HERC5: variants seen among roughly 807,000 people sequenced by gnomAD.
The protein encoded by HERC5 is E3 ISG15--protein ligase HERC5.
A neutral mutation model predicts 119.6 loss-of-function variants in HERC5; 99 were observed. The observed-to-expected ratio is 0.83, with a 90% CI of 0.70 to 0.98. The LOEUF (loss-of-function observed/expected upper bound fraction) is 0.98, where lower values mean the gene tolerates loss of function less well. HERC5 is among the 50% of genes least tolerant of loss of function. HERC5 has a pLI of 0.00. For missense variants in HERC5, 1,267 were observed against 1,241.3 expected (o/e 1.02, Z -0.31); for synonymous variants, 478 against 445.9 (o/e 1.07, Z -0.91).
rs542811611 is a variant in HERC5, at chr4:88,463,733, CCTT to C, written c.780+113_780+115del. Reference sequence around the variant, plus strand: ...CATCACTTCCTGTATGTAGGACTGTCCTTCTGATATTTAGGAGCTTTACTTTGA... The same window carrying C: ...CATCACTTCCTGTATGTAGGACTGTCCTGATATTTAGGAGCTTTACTTTGA... On this transcript the variant is annotated intron_variant, in intron 5 of 22. Transcript: ENST00000264350. The C allele has an allele frequency of 3.1e-4, 430 of 1,373,116 alleles. No homozygotes were observed. The African/African-American group carries it at 5.1e-3, about 16-fold the overall frequency. The allele number at this position is 1,373,116 out of a possible 1,614,324, so 85.1% of individuals were successfully genotyped here.
chr4:88,462,103 A>AATAAAACAGC, intron 3 of HERC5, 32 bp from the exon 4 acceptor site: 1 of 1,575,804 alleles, frequency 6.3e-7, no homozygotes, highest in Non-Finnish European at 8.7e-7. Flanking sequence ...TTTTAAATGG[A>AATAAAACAGC]ATAAAACAGC....
rs1362088397 is a variant in HERC5 at position 88,493,051 on chromosome 4, G to A, written c.2173G>A (p.Val725Ile). The A allele has an allele frequency of 2.5e-6, 4 of 1,613,856 alleles. No individual in the cohort carries two copies. In the African/African-American group the frequency reaches 4.0e-5, roughly 16 times the overall value. ...AGAAATTGGGTATGACCTCGGAGGA[G>A]TCAAGAAAGAGTTCTTCTACTGTCT... is the stretch of plus-strand genomic sequence containing the variant. ...SGEIGYDLGG[V>I]KKEFFYCLFA... is the part of the protein sequence containing the mutation. Residue 725 changes from valine to isoleucine, a missense_variant, in exon 17 of 23, where the codon GTC becomes ATC. Coordinates refer to ENST00000264350, the MANE Select transcript of HERC5 (RefSeq NM_016323.4).
chr4:88,475,849 C>A lies in HERC5; in HGVS notation c.1401C>A (p.Thr467=). The A allele has an allele frequency of 6.2e-7, 1 of 1,613,874 alleles. No homozygotes were observed. The highest frequency in any genetic ancestry group is 1.1e-5 in the South Asian group (1 of 91,018). The stretch of plus-strand genomic sequence containing the variant: ...TTCCTTTCTGACCACAGATAACCAC[C>A]TGCCTCAAAGATAATCTGCTCAAAA... ...QKDWITNMIT[T]CLKDNLLKRL... The change falls in exon 12 of 23, where the codon ACC becomes ACA. Residue 467 remains threonine (T), a synonymous_variant. Transcript: ENST00000264350.
chr4:88,499,099 A>G (rs1303024652), intron 18 of HERC5, among the ~76,000 whole-genome samples: 2 of 152,164 alleles, frequency 1.3e-5, no homozygotes, highest in Non-Finnish European at 2.9e-5. Flanking sequence ...AGAAAAATTT[A>G]ACTGTGCTCT....
At chr4:88,467,236 A>C (rs1249467758) in intron 7 of HERC5, 32 bp downstream of exon 7, 1 of 1,594,982 alleles carries the variant, frequency 6.3e-7, no homozygotes, top group Admixed American at 1.7e-5. Context: ...GGTTTGGCAT[A>C]GTATCTTTTT....
intron 6 of HERC5, among the ~76,000 whole-genome samples, chr4:88,464,999 T>G (rs1252183891): frequency 6.6e-6 from 1 of 152,154 alleles, no homozygotes; most frequent in Non-Finnish European, 1.5e-5. Flanking sequence ...CTCGATGTCC[T>G]GACCTTGTGA....
chr4:88,458,427 C>T lies in HERC5; in HGVS notation c.265+893C>T, dbSNP rs188618128. On this transcript the variant is annotated intron_variant, in intron 1 of 22. Transcript: ENST00000264350. ...TTTTTTTAAGTTAAAATTTTTCGTA[C>T]GCTTGGAATTTTCAGTACTGAGGTA... is the stretch of plus-strand genomic sequence containing the variant. Among the ~76,000 whole-genome samples the T allele has an allele frequency of 1.8e-4, 27 of 151,244 alleles. No individual in the cohort carries two copies. The East Asian group carries it at 5.0e-3, about 28-fold the overall frequency.
chr4:88,497,013 T>G (rs1231947851), intron 18 of HERC5, among the ~76,000 whole-genome samples: 3 of 152,182 alleles, frequency 2.0e-5, no homozygotes, highest in Non-Finnish European at 4.4e-5. Flanking sequence ...GAATGGGTCG[T>G]CACCTATTCC....
chr4:88,500,091 G>A, intron 19 of HERC5, 99 bp downstream of exon 19: 1 of 719,112 alleles, frequency 1.4e-6, no homozygotes, highest in Non-Finnish European at 2.3e-6. Flanking sequence ...AAAAAAACCT[G>A]AATAAATTAG....
intron 10 of HERC5, among the ~76,000 whole-genome samples, chr4:88,471,845 TCTTCCTTC>T (rs951737668): frequency 6.6e-6 from 1 of 151,952 alleles, no homozygotes; most frequent in Non-Finnish European, 1.5e-5. Flanking sequence ...CTTTTTTCTG[TCTTCCTTC>T]CTTCCTTCCT....
chr4:88,485,039 GTT>G (rs901109670), intron 13 of HERC5, among the ~76,000 whole-genome samples: 1 of 143,466 alleles, frequency 7.0e-6, no homozygotes, highest in Non-Finnish European at 1.5e-5. Context: ...ATTTTTAAAG[GTT>G]TTTTTTTTTT....
At chr4:88,470,725 AAG>A (rs779085653) in intron 10 of HERC5, 52 bp downstream of exon 10, 94 of 805,722 alleles carry the variant, frequency 1.2e-4, no homozygotes, top group Non-Finnish European at 1.9e-5. Flanking sequence ...AGTACCGTGA[AAG>A]AGGATAAAAA....
intron 12 of HERC5, among the ~76,000 whole-genome samples, chr4:88,477,959 T>C (rs1741142432): frequency 6.6e-6 from 1 of 152,268 alleles, no homozygotes; most frequent in South Asian, 2.1e-4. Context: ...CGATTTTTAA[T>C]TTAATTTTTA....
chr4:88,460,094 G>C lies in HERC5; in HGVS notation c.390-1G>C. ...ACACAAAGTGTATTTTCCTTCATCA[G>C]GTTTGAAAGCATTTTACAAGAAAAA... On this transcript the variant is annotated splice_acceptor_variant, in intron 2 of 22. Coordinates refer to ENST00000264350, the MANE Select transcript of HERC5 (RefSeq NM_016323.4). LOFTEE classifies it high-confidence loss of function. 6.6e-7 allele frequency: 1 copy of C among 1,521,172 alleles called. No homozygotes were observed. Among genetic ancestry groups the C allele is most frequent in the East Asian group, 2.3e-5 (1 of 44,068 alleles). 94.2% of individuals were successfully genotyped at this position (1,521,172 alleles called of 1,614,324 possible). A position where few individuals can be genotyped will look rare whatever the true frequency, so the allele number is the denominator to read the frequency against.
rs1429112237 is a variant in HERC5 at position 88,463,889 on chromosome 4, A to G, written c.815A>G (p.His272Arg). 6.2e-7 allele frequency: 1 copy of G among 1,614,056 alleles called. No homozygotes were observed. Among genetic ancestry groups the G allele is most frequent in the South Asian group, 1.1e-5 (1 of 91,066 alleles). Residue 272 changes from histidine (H) to arginine (R), a missense_variant, in exon 6 of 23, where the codon CAT becomes CGT. Around this residue, in one of 3 missense-constraint regions of HERC5, gnomAD observed 777 missense variants for 758.0 expected, o/e 1.03. Transcript: ENST00000264350. ...CTGTTTACTTTCGGTGCTGGAAAAC[A>G]TGGGCAACTTGGTCATAATTCAACA... ...GLLFTFGAGK[H>R]GQLGHNSTQN...
rs58490237 is a variant in HERC5, at chr4:88,505,919, C to CGTTGTTGTTGTT, written c.*57_*68dup. 1 of 1,431,080 alleles carries CGTTGTTGTTGTT rather than the reference C, an allele frequency of 7.0e-7. No homozygotes were observed. Among genetic ancestry groups the CGTTGTTGTTGTT allele is most frequent in the South Asian group, 1.2e-5 (1 of 81,142 alleles). 88.6% of individuals were successfully genotyped at this position (1,431,080 alleles called of 1,614,324 possible). On this transcript the variant is annotated 3_prime_UTR_variant, in exon 23 of 23. Coordinates refer to ENST00000264350, the MANE Select transcript of HERC5 (RefSeq NM_016323.4). ...AACAGCCTTATTTTGTTGTTGTTAT[C>CGTTGTTGTTGTT]GTTGTTGTTGTTGTTGTTGTTGTTG...
chr4:88,489,700 T>A (rs965929186), intron 16 of HERC5, among the ~76,000 whole-genome samples: 6 of 152,162 alleles, frequency 3.9e-5, no homozygotes, highest in African/African-American at 1.4e-4. Flanking sequence ...AGGGGTTGTT[T>A]TTGTTCTTAT....
chr4:88,471,895 T>G (rs1740880315), intron 10 of HERC5, among the ~76,000 whole-genome samples: 1 of 151,994 alleles, frequency 6.6e-6, no homozygotes, highest in Non-Finnish European at 1.5e-5. Flanking sequence ...CCTTCCTTCC[T>G]TCGAAAAACC....
intron 18 of HERC5, among the ~76,000 whole-genome samples, chr4:88,495,869 TAAC>T (rs1474140791): frequency 6.6e-6 from 1 of 152,250 alleles, no homozygotes; most frequent in African/African-American, 2.4e-5. Flanking sequence ...GACTGATAAT[TAAC>T]AATGTACATG....
Sources: gnomAD v4.1 joint callset for allele counts (sites outside exome capture counted in the v4.1 genomes callset) on GRCh38, gnomAD v4.1.1 for gene constraint, gnomAD v4.1.1 regional missense constraint, MANE v1.5 for transcripts, NCBI Gene and HGNC (gene_info 2026-07-23, HGNC 2026-07-21) for gene names.